ADAT2: variants seen among roughly 807,000 people sequenced by gnomAD.
ADAT2 encodes tRNA-specific adenosine-34 deaminase catalytic subunit ADAT2.
Under a neutral mutation model 25.9 loss-of-function variants are expected in ADAT2, and 26 were observed. The ratio of observed to expected loss-of-function variants is 1.00; its 90% CI spans 0.74 to 1.39. The LOEUF is 1.39. Among genes scored for constraint, ADAT2 ranks in the 40% most tolerant of loss-of-function variants. The pLI is 0.00. For missense variants in ADAT2, 220 were observed against 244.8 expected, an observed-to-expected ratio of 0.90 and a Z score of 0.68; for synonymous variants, 76 against 86.8, an observed-to-expected ratio of 0.88 and a Z score of 0.69.
At position 143,433,955 on chromosome 6, in the gene ADAT2, G is replaced by A. The variant is rs746249364; in HGVS notation, c.228C>T (p.Ala76=). The change falls in exon 3 of 6, where the codon GCC becomes GCT. Residue 76 remains alanine, a synonymous_variant. Coordinates refer to ENST00000237283, the MANE Select transcript of ADAT2 (RefSeq NM_182503.3). ...GACACCAATCGAGGACCTGATCGAT[G>A]GCCACCATTTCTGCATGTCGAGTAG... is the stretch of plus-strand genomic sequence containing the variant. ...KNATRHAEMV[A]IDQVLDWCRQ... The A allele has an allele frequency of 1.9e-6, 3 of 1,613,940 alleles. No homozygotes were observed. Among genetic ancestry groups the A allele is most frequent in the Admixed American group, 1.7e-5 (1 of 60,000 alleles).
At position 143,423,231 on chromosome 6, in the gene ADAT2, C is replaced by T. The variant is rs1384201712; in HGVS notation, c.*5232G>A. 1 of 152,210 alleles carries T rather than the reference C, an allele frequency of 6.6e-6. No individual in the cohort carries two copies. The highest frequency in any genetic ancestry group is 1.5e-5 in the Non-Finnish European group (1 of 68,040). The allele number at this position is 152,210 out of a possible 1,614,324, so 9.4% of individuals were successfully genotyped here. A position where few individuals can be genotyped will look rare whatever the true frequency, so the allele number is the denominator to read the frequency against. On this transcript the variant is annotated 3_prime_UTR_variant, in exon 6 of 6. Coordinates refer to ENST00000237283, the MANE Select transcript of ADAT2 (RefSeq NM_182503.3). ...TGCTCAACTCTGCCATTGTAGCACA[C>T]GAGCAGCCACAGACAACACAGAAAC...
At position 143,428,300 on chromosome 6, in the gene ADAT2, A is replaced by G; in HGVS notation, c.*163T>C. ...TGTTTACAATTGTCAGACTTCTAAA[A>G]AGTGCTAATTTGTTCCCTTAACAGA... On this transcript the variant is annotated 3_prime_UTR_variant, in exon 6 of 6. Coordinates refer to ENST00000237283, the MANE Select transcript of ADAT2 (RefSeq NM_182503.3). The surrounding 1 kb of genome is among the most constrained non-coding windows in gnomAD (Gnocchi z 5.0). 2 of 705,498 alleles carry G rather than the reference A, an allele frequency of 2.8e-6. No individual in the cohort carries two copies. The highest frequency in any genetic ancestry group is 2.0e-5 in the South Asian group (1 of 49,188). The allele number at this position is 705,498 out of a possible 1,614,324, so 43.7% of individuals were successfully genotyped here. A position where few individuals can be genotyped will look rare whatever the true frequency, so the allele number is the denominator to read the frequency against.
Position 143,438,589 on chromosome 6 carries a change from C to A in ADAT2, c.201+1G>T. On this transcript the variant is annotated splice_donor_variant, in intron 2 of 5. Coordinates refer to ENST00000237283, the MANE Select transcript of ADAT2 (RefSeq NM_182503.3). LOFTEE classifies it high-confidence loss of function. ...GCAATTATACTGCTCAACTCACATA[C>A]ATTTTTGGTTTGGTTAACTTCATTT... The A allele has an allele frequency of 6.2e-7, 1 of 1,607,726 alleles. No homozygotes were observed. Among genetic ancestry groups the A allele is most frequent in the Non-Finnish European group, 8.5e-7 (1 of 1,174,434 alleles).
chr6:143,429,143 C>A (rs9484745), intron 4 of ADAT2, among the ~76,000 whole-genome samples: 42,678 of 152,096 alleles, frequency 0.28, 6,232 homozygotes, highest in Admixed American at 0.32. Context: ...TTAAGCATTC[C>A]ATGCTATAGA....
chr6:143,432,413 T>C lies in ADAT2; in HGVS notation c.459+92A>G. The C allele has an allele frequency of 8.5e-7, 1 of 1,174,196 alleles. No homozygotes were observed. The highest frequency in any genetic ancestry group is 2.5e-5 in the East Asian group (1 of 40,330). The allele number at this position is 1,174,196 out of a possible 1,614,324, so 72.7% of individuals were successfully genotyped here. On this transcript the variant is annotated intron_variant, in intron 4 of 5. Transcript: ENST00000237283. This position sits in a 1 kb window ranked among gnomAD's most constrained non-coding sequence, Gnocchi z 4.4. ...AGATGTCTGATTCTATCATCGTTTCTTCGTATACTGGCCACACACTAGTTA... is the reference window on the plus strand; with the variant it reads ...AGATGTCTGATTCTATCATCGTTTCCTCGTATACTGGCCACACACTAGTTA...
intron 4 of ADAT2, among the ~76,000 whole-genome samples, chr6:143,429,805 T>C (rs184201831): frequency 2.0e-3 from 301 of 152,320 alleles, no homozygotes; most frequent in African/African-American, 6.8e-3. Flanking sequence ...TGTGAGATGC[T>C]GTTCAGAACG....
intron 1 of ADAT2, among the ~76,000 whole-genome samples, chr6:143,443,974 T>G (rs1002113437): frequency 2.0e-5 from 3 of 151,960 alleles, no homozygotes; most frequent in Non-Finnish European, 4.4e-5. Context: ...CAGAAGAGAA[T>G]GCAGGGCCGA....
rs931208078 is a variant in ADAT2, at chr6:143,442,524, T to G, written c.97-3830A>C. ...ACACACACACACGTACAAATAAAAC[T>G]GATGACATCTTAATAAGCTCTGCAG... On this transcript the variant is annotated intron_variant, in intron 1 of 5. Transcript: ENST00000237283. This position sits in a 1 kb window ranked among gnomAD's most constrained non-coding sequence, Gnocchi z 4.6. 7.4e-6 allele frequency among the ~76,000 whole-genome samples: 1 copy of G among 135,284 alleles called. No homozygotes were observed. Among genetic ancestry groups the G allele is most frequent in the Non-Finnish European group, 1.6e-5 (1 of 62,212 alleles). The allele number at this position is 135,284 out of a possible 152,430, so 88.8% of individuals were successfully genotyped here.
Position 143,432,519 on chromosome 6 carries a change from C to T in ADAT2, c.445G>A (p.Gly149Arg). Residue 149 changes from glycine (G) to arginine (R), a missense_variant, in exon 4 of 6, where the codon GGG (glycine) becomes AGG (arginine). Transcript: ENST00000237283. The surrounding 1 kb of genome is among the most constrained non-coding windows in gnomAD (Gnocchi z 4.4). ...GTTTGTATTACCTGAAATGGTCTCC[C>T]AGTGTTTGGTAGGTCAGCAGAGGCA... ...NIASADLPNT[G>R]RPFQCIPGYR... 6.2e-7 allele frequency: 1 copy of T among 1,614,062 alleles called. No homozygotes were observed. Among genetic ancestry groups the T allele is most frequent in the South Asian group, 1.1e-5 (1 of 91,068 alleles).
Position 143,424,587 on chromosome 6 carries a change from T to G in ADAT2, c.*3876A>C, listed in dbSNP as rs1387690485. On this transcript the variant is annotated 3_prime_UTR_variant, in exon 6 of 6. Coordinates refer to ENST00000237283, the MANE Select transcript of ADAT2 (RefSeq NM_182503.3). The surrounding 1 kb of genome is among the most constrained non-coding windows in gnomAD (Gnocchi z 4.8). Reference sequence around the variant, plus strand: ...TCTGCAGTATCAGAAACATCTTAGGTCTATTTTCCAAAACCCTATCTTATC... The same window carrying G: ...TCTGCAGTATCAGAAACATCTTAGGGCTATTTTCCAAAACCCTATCTTATC... 1.3e-5 allele frequency: 2 copies of G among 152,192 alleles called. No homozygotes were observed. The highest frequency in any genetic ancestry group is 2.9e-5 in the Non-Finnish European group (2 of 68,032). The allele number at this position is 152,192 out of a possible 1,614,324, so 9.4% of individuals were successfully genotyped here.
Position 143,438,672 on chromosome 6 carries a change from G to C in ADAT2, c.119C>G (p.Thr40Ser). 1 of 1,613,418 alleles carries C rather than the reference G, an allele frequency of 6.2e-7. No homozygotes were observed. Among genetic ancestry groups the C allele is most frequent in the Non-Finnish European group, 8.5e-7 (1 of 1,179,460 alleles). The change falls in exon 2 of 6, where the codon ACT becomes AGT. Residue 40 changes from threonine (T) to serine (S), a missense_variant. Coordinates refer to ENST00000237283, the MANE Select transcript of ADAT2 (RefSeq NM_182503.3). ...CATAAGACAGCCAACAGGAACTTCA[G>C]TATTTTCGAGGGCTTCTTTGGCCTG... is the stretch of plus-strand genomic sequence containing the variant. ...MHMAKEALEN[T>S]EVPVGCLMVY...
Position 143,433,884 on chromosome 6 carries a change from A to G in ADAT2, c.299T>C (p.Leu100Ser), listed in dbSNP as rs1779188905. ...SPSEVFEHTV[L>S]YVTVEPCIMC... The stretch of plus-strand genomic sequence containing the variant: ...AATGCACGGCTCCACAGTGACATAC[A>G]ACACAGTGTGTTCAAATACTTCAGA... The change falls in exon 3 of 6, where the codon TTG (leucine) becomes TCG (serine). Residue 100 changes from leucine to serine, a missense_variant. Transcript: ENST00000237283. 6.2e-7 allele frequency: 1 copy of G among 1,614,030 alleles called. No individual in the cohort carries two copies. Among genetic ancestry groups the G allele is most frequent in the South Asian group, 1.1e-5 (1 of 91,070 alleles).
rs1002723521 is a variant in ADAT2 at position 143,440,974 on chromosome 6, G to GGA, written c.97-2282_97-2281dup. Among the ~76,000 whole-genome samples the GGA allele has an allele frequency of 2.0e-5, 3 of 152,164 alleles. No homozygotes were observed. The highest frequency in any genetic ancestry group is 1.9e-4 in the East Asian group (1 of 5,172). ...GGCAAGAGGCGAAGTGATAACGGAA[G>GGA]GAGAGAGAGAGAGATTTGAAAATGC... On this transcript the variant is annotated intron_variant, in intron 1 of 5. Coordinates refer to ENST00000237283, the MANE Select transcript of ADAT2 (RefSeq NM_182503.3). This position sits in a 1 kb window ranked among gnomAD's most constrained non-coding sequence, Gnocchi z 4.5.
rs71714792 is a variant in ADAT2, at chr6:143,425,733, TTGTGTGTGTGTGTGTGTGTGTGTGTGTG to T, written c.*2702_*2729del. Reference sequence around the variant, plus strand: ...GGTAAAGGGCCATGGTGTGTTGTGTTTGTGTGTGTGTGTGTGTGTGTGTGTGTGTGTGTGTGTGTGTGTGTATTTTATA... The same window carrying T: ...GGTAAAGGGCCATGGTGTGTTGTGTTTGTGTGTGTGTGTGTGTATTTTATA... On this transcript the variant is annotated 3_prime_UTR_variant, in exon 6 of 6. Coordinates refer to ENST00000237283, the MANE Select transcript of ADAT2 (RefSeq NM_182503.3). 1 of 136,514 alleles carries T rather than the reference TTGTGTGTGTGTGTGTGTGTGTGTGTGTG, an allele frequency of 7.3e-6. No homozygotes were observed. Among genetic ancestry groups the T allele is most frequent in the African/African-American group, 2.8e-5 (1 of 35,554 alleles). The allele number at this position is 136,514 out of a possible 1,614,324, so 8.5% of individuals were successfully genotyped here. A position where few individuals can be genotyped will look rare whatever the true frequency, so the allele number is the denominator to read the frequency against.
Position 143,444,719 on chromosome 6 carries a change from T to C in ADAT2, c.96+5844A>G, listed in dbSNP as rs1779553342. 5.8e-6 allele frequency: 1 copy of C among 172,156 alleles called. No individual in the cohort carries two copies. The highest frequency in any genetic ancestry group is 2.4e-5 in the African/African-American group (1 of 41,908). 10.7% of individuals were successfully genotyped at this position (172,156 alleles called of 1,614,324 possible). On this transcript the variant is annotated intron_variant, in intron 1 of 5. Transcript: ENST00000237283. This position sits in a 1 kb window ranked among gnomAD's most constrained non-coding sequence, Gnocchi z 4.3. ...CAACCTTCAAAATTAAAGAATAAAA[T>C]CTCTGTTCTTCCCAGCCCAAACACT...
Position 143,434,069 on chromosome 6 carries a change from C to T in ADAT2, c.202-88G>A, listed in dbSNP as rs992272295. ...ATACAAAAACTAAGTACAAAATATG[C>T]GCCTATCCTTTCTGCCAATATTTTA... On this transcript the variant is annotated intron_variant, in intron 2 of 5. Coordinates refer to ENST00000237283, the MANE Select transcript of ADAT2 (RefSeq NM_182503.3). The surrounding 1 kb of genome is among the most constrained non-coding windows in gnomAD (Gnocchi z 4.5). 101 of 1,493,098 alleles carry T rather than the reference C, an allele frequency of 6.8e-5. 1 individual carries two copies. Among genetic ancestry groups the T allele is most frequent in the South Asian group, 3.7e-4 (31 of 82,726 alleles). 92.5% of individuals were successfully genotyped at this position (1,493,098 alleles called of 1,614,324 possible). A position where few individuals can be genotyped will look rare whatever the true frequency, so the allele number is the denominator to read the frequency against.
Position 143,444,387 on chromosome 6 carries a change from G to C in ADAT2, c.97-5693C>G, listed in dbSNP as rs964731578. On this transcript the variant is annotated intron_variant, in intron 1 of 5. Coordinates refer to ENST00000237283, the MANE Select transcript of ADAT2 (RefSeq NM_182503.3). The surrounding 1 kb of genome is among the most constrained non-coding windows in gnomAD (Gnocchi z 4.3). ...GAATAACACAAAGCCCCATGGAAGTGAGTTGAGGGGAACTCCTTTACAACA... is the reference window on the plus strand; with the variant it reads ...GAATAACACAAAGCCCCATGGAAGTCAGTTGAGGGGAACTCCTTTACAACA... Among the ~76,000 whole-genome samples the C allele has an allele frequency of 6.7e-6, 1 of 149,056 alleles. No individual in the cohort carries two copies. The highest frequency in any genetic ancestry group is 1.5e-5 in the Non-Finnish European group (1 of 66,976).
intron 1 of ADAT2, among the ~76,000 whole-genome samples, 172 bp from the exon 2 acceptor site, chr6:143,438,866 T>C (rs1375893857): frequency 6.6e-6 from 1 of 152,154 alleles, no homozygotes; most frequent in African/African-American, 2.4e-5. Flanking sequence ...GCCCGTGTTC[T>C]GTGTTGTGTC....
At chr6:143,449,529 A>C (rs1779698467) in intron 1 of ADAT2, among the ~76,000 whole-genome samples, 1 of 152,176 alleles carries the variant, frequency 6.6e-6, no homozygotes, top group Admixed American at 6.5e-5. Context: ...TAGCATATAC[A>C]AGTTTCTTCA....
Sources: allele counts gnomAD v4.1 joint callset (sites outside exome capture counted in the v4.1 genomes callset), GRCh38; gene constraint gnomAD v4.1.1; non-coding constraint Gnocchi (gnomAD v3.1); transcripts MANE v1.5; gene names NCBI Gene and HGNC (gene_info 2026-07-23, HGNC 2026-07-21).